FRMD8: variants seen among roughly 807,000 people sequenced by gnomAD.
The protein encoded by FRMD8 is FERM domain-containing protein 8.
A neutral mutation model predicts 54.2 loss-of-function variants in FRMD8; 37 were observed. The observed-to-expected ratio is 0.68, with a 90% CI of 0.53 to 0.90. The LOEUF is 0.90. Ranked by LOEUF, FRMD8 falls within the 40% of genes least tolerant of loss-of-function variation. The pLI, the probability that FRMD8 is intolerant of heterozygous loss-of-function variation, is 0.00. For missense variants in FRMD8, 585 were observed against 653.7 expected (o/e 0.89, Z 1.15); for synonymous variants, 246 against 286.9 (o/e 0.86, Z 1.44).
the FRMD8 span, chr11:65,375,418 A>G: frequency 5.9e-5 from 9 of 152,508 alleles, no homozygotes; most frequent in African/African-American, 2.2e-4. Flanking sequence ...AGGTAAGTCA[A>G]GGAAGGGTGA....
intron 10 of FRMD8, among the ~76,000 whole-genome samples, chr11:65,410,017 G>A (rs551119458): frequency 1.6e-4 from 25 of 151,816 alleles, no homozygotes; most frequent in Non-Finnish European, 3.1e-4. Flanking sequence ...AGGCTGCAGT[G>A]AGCCGTGATT....
chr11:65,399,512 T>C (rs1393669739), intron 7 of FRMD8, among the ~76,000 whole-genome samples: 1 of 152,134 alleles, frequency 6.6e-6, no homozygotes, highest in Non-Finnish European at 1.5e-5. Flanking sequence ...TGCCCACCCT[T>C]CTCTGTGCCA....
intron 4 of FRMD8, 76 bp from the exon 5 acceptor site, chr11:65,393,965 G>A (rs1421707517): frequency 6.6e-7 from 1 of 1,512,088 alleles, no homozygotes; most frequent in Non-Finnish European, 9.2e-7. Flanking sequence ...TTGGTGGCCA[G>A]GGCCTGGGCC....
At chr11:65,409,324 TG>T (rs1856278536) in intron 10 of FRMD8, among the ~76,000 whole-genome samples, 1 of 151,924 alleles carries the variant, frequency 6.6e-6, no homozygotes, top group Non-Finnish European at 1.5e-5. Context: ...TGACCTCAGG[TG>T]ATCTGTCCGC....
intron 10 of FRMD8, among the ~76,000 whole-genome samples, chr11:65,407,883 CAAA>C (rs541022646): frequency 5.6e-5 from 7 of 124,616 alleles, no homozygotes; most frequent in East Asian, 2.4e-4. Flanking sequence ...GACTCTGTCT[CAAA>C]AAAAAAAAAA....
chr11:65,374,526 A>G, the FRMD8 span, among the ~76,000 whole-genome samples: 3 of 152,200 alleles, frequency 2.0e-5, no homozygotes, highest in Non-Finnish European at 4.4e-5. Flanking sequence ...CCCCCAGTAA[A>G]TGGCAGGAAT....
upstream of FRMD8, among the ~76,000 whole-genome samples, chr11:65,384,812 C>T (rs1319198371): frequency 1.3e-5 from 2 of 152,152 alleles, no homozygotes; most frequent in South Asian, 2.1e-4. Context: ...TCCTGGGCTC[C>T]AGCGATCCTC....
the FRMD8 span, chr11:65,376,697 GC>G: frequency 6.2e-7 from 1 of 1,613,340 alleles, no homozygotes; most frequent in African/African-American, 1.3e-5. Flanking sequence ...AGAGCCCAGA[GC>G]AGGGGTCAGA....
Position 65,411,435 on chromosome 11 carries a change from G to T in FRMD8, c.*75G>T. On this transcript the variant is annotated 3_prime_UTR_variant, in exon 11 of 11. Transcript: ENST00000317568. Reference sequence around the variant, plus strand: ...CTGTCCTCCTGAGGGGCAGGCGCCGGCTGCAACAGTCTCATGGGTCACCAC... The same window carrying T: ...CTGTCCTCCTGAGGGGCAGGCGCCGTCTGCAACAGTCTCATGGGTCACCAC... 15 of 959,494 alleles carry T rather than the reference G, an allele frequency of 1.6e-5. No homozygotes were observed. Among genetic ancestry groups the T allele is most frequent in the Non-Finnish European group, 2.3e-5 (15 of 665,458 alleles). The allele number at this position is 959,494 out of a possible 1,614,324, so 59.4% of individuals were successfully genotyped here.
intron 7 of FRMD8, among the ~76,000 whole-genome samples, chr11:65,397,770 G>T (rs1855987287): frequency 6.6e-6 from 1 of 152,128 alleles, no homozygotes; most frequent in East Asian, 1.9e-4. Flanking sequence ...GGAGTGCAGT[G>T]GCACAATCGT....
chr11:65,393,751 C>G lies in FRMD8; in HGVS notation c.355+77C>G, dbSNP rs951143945. 5 of 1,283,900 alleles carry G rather than the reference C, an allele frequency of 3.9e-6. No individual in the cohort carries two copies. In the African/African-American group the frequency reaches 7.2e-5, roughly 19 times the overall value. 79.5% of individuals were successfully genotyped at this position (1,283,900 alleles called of 1,614,324 possible). On this transcript the variant is annotated intron_variant, in intron 4 of 10. Coordinates refer to ENST00000317568, the MANE Select transcript of FRMD8 (RefSeq NM_031904.5). Reference sequence around the variant, plus strand: ...CTCTGGCTCCCAGCCCAGCCAGGGCCCTGCCAGCAAGGAGCTGCCCTGGCT... The same window carrying G: ...CTCTGGCTCCCAGCCCAGCCAGGGCGCTGCCAGCAAGGAGCTGCCCTGGCT...
Position 65,386,766 on chromosome 11 carries a change from G to A in FRMD8, c.-1+5G>A. On this transcript the variant is annotated splice_donor_5th_base_variant and intron_variant, in intron 1 of 10. Coordinates refer to ENST00000317568, the MANE Select transcript of FRMD8 (RefSeq NM_031904.5). The stretch of plus-strand genomic sequence containing the variant: ...CGGGCTCTGCGACCCTGCGAGGTGA[G>A]AGCACAGCGACGTCTGGCCCGGGCC... 1 of 503,884 alleles carries A rather than the reference G, an allele frequency of 2.0e-6. No individual in the cohort carries two copies. Among genetic ancestry groups the A allele is most frequent in the Non-Finnish European group, 3.5e-6 (1 of 285,976 alleles). 31.2% of individuals were successfully genotyped at this position (503,884 alleles called of 1,614,324 possible). A position where few individuals can be genotyped will look rare whatever the true frequency, so the allele number is the denominator to read the frequency against.
chr11:65,412,327 AG>A lies in FRMD8; in HGVS notation c.*969del, dbSNP rs1282779315. 3 of 30,640 alleles carry A rather than the reference AG, an allele frequency of 9.8e-5. No homozygotes were observed. The East Asian group carries it at 3.2e-3, about 33-fold the overall frequency. The allele number at this position is 30,640 out of a possible 1,614,324, so 1.9% of individuals were successfully genotyped here. Reference sequence around the variant, plus strand: ...ATCTGAGTTGTGCTGGGGCAACGCCAGGAAGTGCCCTGGGTACCTCTGCTGT... The same window carrying A: ...ATCTGAGTTGTGCTGGGGCAACGCCAGAAGTGCCCTGGGTACCTCTGCTGT... On this transcript the variant is annotated 3_prime_UTR_variant, in exon 11 of 11. Transcript: ENST00000317568.
upstream of FRMD8, among the ~76,000 whole-genome samples, chr11:65,385,865 GC>G (rs780314999): frequency 6.6e-6 from 1 of 151,842 alleles, no homozygotes; most frequent in Non-Finnish European, 1.5e-5. Flanking sequence ...TGTGATCTCG[GC>G]TCACTGCAGG....
At chr11:65,401,271 G>A (rs972119578) in intron 9 of FRMD8, among the ~76,000 whole-genome samples, 2 of 150,860 alleles carry the variant, frequency 1.3e-5, no homozygotes, top group Admixed American at 6.6e-5. Context: ...TTCATTCGTC[G>A]TGTTTTACTC....
intron 5 of FRMD8, 47 bp downstream of exon 5, chr11:65,394,146 C>G (rs757938701): frequency 6.2e-7 from 1 of 1,609,134 alleles, no homozygotes; most frequent in South Asian, 1.1e-5. Context: ...CCCCTTGTGC[C>G]CAGCCTCCCT....
Position 65,404,759 on chromosome 11 carries a change from T to G in FRMD8, c.1072-105T>G. ...CTCCCTCCCTCCTGAGTGATGTGTG[T>G]CCCCTCCCCTGCTTCCCCAACCAGA... On this transcript the variant is annotated intron_variant, in intron 9 of 10. Coordinates refer to ENST00000317568, the MANE Select transcript of FRMD8 (RefSeq NM_031904.5). The surrounding 1 kb of genome is among the most constrained non-coding windows in gnomAD (Gnocchi z 4.7). 3 of 918,784 alleles carry G rather than the reference T, an allele frequency of 3.3e-6. No homozygotes were observed. Among genetic ancestry groups the G allele is most frequent in the Non-Finnish European group, 5.1e-6 (3 of 593,208 alleles). 56.9% of individuals were successfully genotyped at this position (918,784 alleles called of 1,614,324 possible).
intron 9 of FRMD8, among the ~76,000 whole-genome samples, chr11:65,403,409 C>G (rs1856123703): frequency 6.6e-6 from 1 of 152,190 alleles, no homozygotes. Context: ...TCTCAAACTC[C>G]TGACCTCAGG....
chr11:65,387,153 C>T (rs1855750435), intron 2 of FRMD8, 32 bp downstream of exon 2: 3 of 1,543,386 alleles, frequency 1.9e-6, no homozygotes, highest in South Asian at 1.1e-5. Context: ...TCTTCCACAC[C>T]CTCCTGGGAC....
Sources: gnomAD v4.1 joint callset for allele counts (sites outside exome capture counted in the v4.1 genomes callset) on GRCh38, gnomAD v4.1.1 for gene constraint, Gnocchi (gnomAD v3.1) non-coding constraint, MANE v1.5 for transcripts, NCBI Gene and HGNC (gene_info 2026-07-23, HGNC 2026-07-21) for gene names.